ID4: variants seen among roughly 807,000 people sequenced by gnomAD.
The protein encoded by ID4 is inhibitor of DNA binding 4.
Under a neutral mutation model 8.6 loss-of-function variants are expected in ID4, and 9 were observed. That is an observed-to-expected ratio of 1.04 (90% confidence interval 0.63 to 1.82). ID4 has a LOEUF of 1.82. Among genes scored for constraint, ID4 ranks in the 40% most tolerant of loss-of-function variants. The pLI is 0.00. For missense variants in ID4, 270 were observed against 235.1 expected (o/e 1.15, Z -0.97); for synonymous variants, 180 against 118.0 (o/e 1.53, Z -3.41).
rs1303140894 is a variant in ID4, at chr6:19,841,687, A to C, written c.*2492A>C. ...ACTCAAGCAGCATTTGATGTATCTA[A>C]AGAAACAAAGTCATTGTTTATTTTT... On this transcript the variant is annotated 3_prime_UTR_variant, in exon 3 of 3. Coordinates refer to ENST00000378700, the MANE Select transcript of ID4 (RefSeq NM_001546.4). Among the ~76,000 whole-genome samples the C allele has an allele frequency of 1.3e-5, 2 of 152,214 alleles. No individual in the cohort carries two copies. The highest frequency in any genetic ancestry group is 2.4e-5 in the African/African-American group (1 of 41,454).
At position 19,837,808 on chromosome 6, in the gene ID4, C is replaced by T. The variant is rs1487791676; in HGVS notation, c.54C>T (p.Cys18=). The T allele has an allele frequency of 1.7e-5, 19 of 1,132,380 alleles. No homozygotes were observed. Among genetic ancestry groups the T allele is most frequent in the Non-Finnish European group, 1.9e-5 (18 of 925,214 alleles). 70.1% of individuals were successfully genotyped at this position (1,132,380 alleles called of 1,614,324 possible). A position where few individuals can be genotyped will look rare whatever the true frequency, so the allele number is the denominator to read the frequency against. Residue 18 remains cysteine (C), a synonymous_variant, in exon 1 of 3, where the codon TGC becomes TGT. Transcript: ENST00000378700. ...CGGGCCGCAAGGCGCCGTCGGGCTG[C>T]GGCGGCGGGGAGCTGGCGCTGCGCT... ...RPSGRKAPSG[C]GGGELALRCL...
In ID4 at chr6:19,840,940, A is replaced by AG. The variant is rs148027743; in HGVS notation, c.*1747dup. ...TAACGTGGTCTGTTTGATTTTTAAA[A>AG]GGAAAGGATTTGTTTCAGATTATAC... On this transcript the variant is annotated 3_prime_UTR_variant, in exon 3 of 3. Transcript: ENST00000378700. Among the ~76,000 whole-genome samples, 972 of 152,298 alleles carry AG rather than the reference A, an allele frequency of 6.4e-3. 10 individuals carry two copies. Among genetic ancestry groups the AG allele is most frequent in the African/African-American group, 0.022 (914 of 41,576 alleles).
At position 19,838,774 on chromosome 6, in the gene ID4, C is replaced by T. The variant is rs139560784; in HGVS notation, c.*14+132C>T. On this transcript the variant is annotated intron_variant, in intron 2 of 2. Transcript: ENST00000378700. ...AGCAAACTCCCAAGGAAGTAAATCC[C>T]CTCTCTCCCTGCCACCTAAGTAGCA... 1.8e-3 allele frequency: 1,251 copies of T among 703,462 alleles called. 14 individuals are homozygous for T. The highest frequency in any genetic ancestry group is 0.011 in the South Asian group (632 of 56,212). The allele number at this position is 703,462 out of a possible 1,614,324, so 43.6% of individuals were successfully genotyped here.
chr6:19,837,871 AGCC>A lies in ID4; in HGVS notation c.120_122del (p.Ala48del). 1 of 1,273,882 alleles carries A rather than the reference AGCC, an allele frequency of 7.9e-7. No homozygotes were observed. The highest frequency in any genetic ancestry group is 9.9e-7 in the Non-Finnish European group (1 of 1,010,140). 78.9% of individuals were successfully genotyped at this position (1,273,882 alleles called of 1,614,324 possible). On this transcript the variant is annotated inframe_deletion, in exon 1 of 3. Coordinates refer to ENST00000378700, the MANE Select transcript of ID4 (RefSeq NM_001546.4). ...ACGGCCACAGCCTGGGTGGCTCCGCAGCCGCGGCGGCGGCGGCGGCGGCAGCGC... is the reference window on the plus strand; with the variant it reads ...ACGGCCACAGCCTGGGTGGCTCCGCAGCGGCGGCGGCGGCGGCGGCAGCGC...
intron 1 of ID4, 143 bp downstream of exon 1, chr6:19,838,338 C>T (rs1210029107): frequency 7.9e-6 from 8 of 1,016,244 alleles, no homozygotes; most frequent in Non-Finnish European, 1.1e-5. Context: ...CTCCGGGCTC[C>T]CCCGGGCCGC....
rs1761326782 is a variant in ID4, at chr6:19,840,104, G to GT, written c.*911dup. 1.3e-5 allele frequency: 2 copies of GT among 152,490 alleles called. No homozygotes were observed. The highest frequency in any genetic ancestry group is 6.5e-5 in the Admixed American group (1 of 15,280). The allele number at this position is 152,490 out of a possible 1,614,324, so 9.4% of individuals were successfully genotyped here. A position where few individuals can be genotyped will look rare whatever the true frequency, so the allele number is the denominator to read the frequency against. On this transcript the variant is annotated 3_prime_UTR_variant, in exon 3 of 3. Transcript: ENST00000378700. The stretch of plus-strand genomic sequence containing the variant: ...AAATCTTTGTATTTGAAGCATACAT[G>GT]TTGAAAATACACCTTATCAGTTTTT...
rs1285210264 is a variant in ID4, at chr6:19,837,648, GCGCGGAGGCAAAGGGAGCGGAGCCGGC to G, written c.-100_-74del. ...TGTCGCGGTGCCCCGAGCGCGCCGG[GCGCGGAGGCAAAGGGAGCGGAGCCGGC>G]CGCGGACGGGGCCCGGAGCTTGCCT... On this transcript the variant is annotated 5_prime_UTR_variant, in exon 1 of 3. Transcript: ENST00000378700. 2 of 755,156 alleles carry G rather than the reference GCGCGGAGGCAAAGGGAGCGGAGCCGGC, an allele frequency of 2.6e-6. No homozygotes were observed. The highest frequency in any genetic ancestry group is 3.8e-5 in the African/African-American group (2 of 52,854). 46.8% of individuals were successfully genotyped at this position (755,156 alleles called of 1,614,324 possible). A position where few individuals can be genotyped will look rare whatever the true frequency, so the allele number is the denominator to read the frequency against.
intron 1 of ID4, among the ~76,000 whole-genome samples, 181 bp from the exon 2 acceptor site, chr6:19,838,403 C>T (rs1017597738): frequency 6.6e-6 from 1 of 152,120 alleles, no homozygotes; most frequent in Non-Finnish European, 1.5e-5. Flanking sequence ...CAGGGCGGGA[C>T]TCGGGGCTGT....
rs888992506 is a variant in ID4, at chr6:19,840,405, C to G, written c.*1210C>G. The stretch of plus-strand genomic sequence containing the variant: ...ATGTTCTCTGCTTGCTACCAAAGGA[C>G]AAACTCTTGGAAATGAACACTTTCT... On this transcript the variant is annotated 3_prime_UTR_variant, in exon 3 of 3. Coordinates refer to ENST00000378700, the MANE Select transcript of ID4 (RefSeq NM_001546.4). 1.3e-5 allele frequency: 2 copies of G among 152,400 alleles called. No homozygotes were observed. Among genetic ancestry groups the G allele is most frequent in the Admixed American group, 6.5e-5 (1 of 15,268 alleles). The allele number at this position is 152,400 out of a possible 1,614,324, so 9.4% of individuals were successfully genotyped here. A position where few individuals can be genotyped will look rare whatever the true frequency, so the allele number is the denominator to read the frequency against.
At chr6:19,838,666 G>C (rs1761286019) in intron 2 of ID4, 24 bp downstream of exon 2, 21 of 1,608,352 alleles carry the variant, frequency 1.3e-5, no homozygotes, top group Non-Finnish European at 1.7e-5. Context: ...TCCCGTCTCG[G>C]GTGGCCGGTC....
Position 19,838,002 on chromosome 6 carries a change from C to A in ID4, c.248C>A (p.Pro83Gln). 1 of 1,602,242 alleles carries A rather than the reference C, an allele frequency of 6.2e-7. No homozygotes were observed. Among genetic ancestry groups the A allele is most frequent in the Non-Finnish European group, 8.5e-7 (1 of 1,174,374 alleles). Residue 83 changes from proline to glutamine, a missense_variant, in exon 1 of 3, where the codon CCG (proline) becomes CAG (glutamine). Transcript: ENST00000378700. ...CTGCGGAGGCTGGTGCCCACCATCCCGCCCAACAAGAAAGTCAGCAAAGTG... is the reference window on the plus strand; with the variant it reads ...CTGCGGAGGCTGGTGCCCACCATCCAGCCCAACAAGAAAGTCAGCAAAGTG... Reference protein sequence around the residue: ...SRLRRLVPTIPPNKKVSKVEI... With the variant: ...SRLRRLVPTIQPNKKVSKVEI...
chr6:19,838,048 C>T lies in ID4; in HGVS notation c.294C>T (p.Ile98=), dbSNP rs749733347. ...AAGTGGAGATCCTGCAGCACGTTAT[C>T]GACTACATCCTGGACCTGCAGCTGG... ...VSKVEILQHV[I]DYILDLQLAL... Residue 98 remains isoleucine, a synonymous_variant, in exon 1 of 3, where the codon ATC becomes ATT. Coordinates refer to ENST00000378700, the MANE Select transcript of ID4 (RefSeq NM_001546.4). 36 of 1,607,450 alleles carry T rather than the reference C, an allele frequency of 2.2e-5. No homozygotes were observed. The highest frequency in any genetic ancestry group is 2.9e-5 in the Non-Finnish European group (34 of 1,176,682).
intron 1 of ID4, 87 bp downstream of exon 1, chr6:19,838,282 C>G (rs1014612840): frequency 1.6e-6 from 2 of 1,222,148 alleles, no homozygotes; most frequent in Non-Finnish European, 2.1e-6. Context: ...GCTCACCGTC[C>G]TCCGGGCAGG....
rs1166692047 is a variant in ID4 at position 19,841,168 on chromosome 6, CTGATAAT to C, written c.*1975_*1981del. Among the ~76,000 whole-genome samples, 1 of 152,158 alleles carries C rather than the reference CTGATAAT, an allele frequency of 6.6e-6. No homozygotes were observed. Among genetic ancestry groups the C allele is most frequent in the African/African-American group, 2.4e-5 (1 of 41,444 alleles). On this transcript the variant is annotated 3_prime_UTR_variant, in exon 3 of 3. Transcript: ENST00000378700. ...TCCTCAGCATGTTATTTCCTCAGCTCTGATAATTTACTGGTCTTGAGTATTTTGAGAA... is the reference window on the plus strand; with the variant it reads ...TCCTCAGCATGTTATTTCCTCAGCTCTTACTGGTCTTGAGTATTTTGAGAA...
rs1211271690 is a variant in ID4 at position 19,841,274 on chromosome 6, A to AT, written c.*2081dup. 6.6e-6 allele frequency among the ~76,000 whole-genome samples: 1 copy of AT among 152,180 alleles called. No homozygotes were observed. The highest frequency in any genetic ancestry group is 1.5e-5 in the Non-Finnish European group (1 of 68,012). ...TTTATTTTTATTTTTGATATTATTC[A>AT]TTCTTGTCACACATCAAGAAGAAAA... On this transcript the variant is annotated 3_prime_UTR_variant, in exon 3 of 3. Transcript: ENST00000378700.
At chr6:19,838,464 C>T (rs1443628322) in intron 1 of ID4, 120 bp from the exon 2 acceptor site, 80 of 1,378,996 alleles carry the variant, frequency 5.8e-5, no homozygotes, top group Middle Eastern at 1.8e-4. Context: ...GCCCCCCCGG[C>T]TACAGGCTGG....
intron 1 of ID4, 87 bp from the exon 2 acceptor site, chr6:19,838,497 C>G: frequency 6.4e-7 from 1 of 1,570,676 alleles, no homozygotes; most frequent in African/African-American, 1.3e-5. Context: ...GGCGCGCCAG[C>G]CTGATTTCCG....
At position 19,839,781 on chromosome 6, in the gene ID4, TACTGTA is replaced by T. The variant is rs1761319909; in HGVS notation, c.*588_*593del. ...GTGAGAAAGTATATGCTTTAATAGA[TACTGTA>T]ATTATAAGATATTTTTAATTAAATA... On this transcript the variant is annotated 3_prime_UTR_variant, in exon 3 of 3. Transcript: ENST00000378700. The T allele has an allele frequency of 6.6e-6, 1 of 152,472 alleles. No individual in the cohort carries two copies. Among genetic ancestry groups the T allele is most frequent in the Non-Finnish European group, 1.5e-5 (1 of 68,018 alleles). 9.4% of individuals were successfully genotyped at this position (152,472 alleles called of 1,614,324 possible). A position where few individuals can be genotyped will look rare whatever the true frequency, so the allele number is the denominator to read the frequency against.
chr6:19,838,277 C>A, intron 1 of ID4, 82 bp downstream of exon 1: 1 of 1,234,748 alleles, frequency 8.1e-7, no homozygotes. Flanking sequence ...CGGGCGCTCA[C>A]CGTCCTCCGG....
Sources: allele counts gnomAD v4.1 joint callset (sites outside exome capture counted in the v4.1 genomes callset), GRCh38; gene constraint gnomAD v4.1.1; transcripts MANE v1.5; gene names NCBI Gene and HGNC (gene_info 2026-07-23, HGNC 2026-07-21).